Variants in PLBD1 observed in about 807,000 individuals in gnomAD.
The protein encoded by PLBD1 is lysosomal leucine aminopeptidase.
In PLBD1, 60 loss-of-function variants were observed where a neutral mutation model predicts 63.0. The ratio of observed to expected loss-of-function variants is 0.95; its 90% confidence interval spans 0.77 to 1.18. The LOEUF (loss-of-function observed/expected upper bound fraction) is 1.18, where lower values mean the gene tolerates loss of function less well. Ranked by LOEUF, PLBD1 falls within the 50% of genes most tolerant of loss-of-function variation. The probability of loss-of-function intolerance (pLI) is 0.00; values close to 1 mark genes in which losing one functional copy is unlikely to be tolerated. For missense variants in PLBD1, 598 were observed against 677.9 expected (o/e 0.88, Z 1.31); for synonymous variants, 262 against 248.0 (o/e 1.06, Z -0.53).
At chr12:14,567,547 C>A in intron 1 of PLBD1, 35 bp downstream of exon 1, 1 of 1,465,726 alleles carries the variant, frequency 6.8e-7, no homozygotes, top group Non-Finnish European at 8.9e-7. Flanking sequence ...AGGAGCCTCC[C>A]CGGGCGCCCC....
chr12:14,506,395 C>G (rs536838891), intron 9 of PLBD1, 127 bp from the exon 10 acceptor site: 3 of 654,768 alleles, frequency 4.6e-6, no homozygotes, highest in Non-Finnish European at 5.1e-6. Context: ...CCTCCTCAGC[C>G]CAGTCTGCTT....
intron 4 of PLBD1, among the ~76,000 whole-genome samples, chr12:14,538,613 A>G (rs1291947752): frequency 1.3e-5 from 2 of 152,236 alleles, no homozygotes; most frequent in African/African-American, 2.4e-5. Flanking sequence ...CAATGCCACA[A>G]TAATTAATCT....
At chr12:14,520,191 C>T (rs374946099) in intron 6 of PLBD1, among the ~76,000 whole-genome samples, 92 of 152,186 alleles carry the variant, frequency 6.0e-4, no homozygotes, top group African/African-American at 2.1e-3. Context: ...GCTCAAATTC[C>T]TCAGGCTCTC....
rs377297308 is a variant in PLBD1 at position 14,560,749 on chromosome 12, G to C, written c.115+6833C>G. On this transcript the variant is annotated intron_variant, in intron 1 of 10. Transcript: ENST00000240617. ...CCAGATATCAGAGACTAAGATGCCT[G>C]CTGGAAGGAGGATTATTTTGGCAAG... 5.4e-4 allele frequency among the ~76,000 whole-genome samples: 82 copies of C among 152,320 alleles called. 1 individual carries two copies. Among genetic ancestry groups the C allele is most frequent in the African/African-American group, 1.9e-3 (78 of 41,566 alleles).
intron 6 of PLBD1, among the ~76,000 whole-genome samples, chr12:14,524,978 T>C (rs1003885269): frequency 6.6e-6 from 1 of 152,184 alleles, no homozygotes; most frequent in Non-Finnish European, 1.5e-5. Flanking sequence ...ACCTGAAGAT[T>C]GTGGCTGGGC....
intron 1 of PLBD1, among the ~76,000 whole-genome samples, chr12:14,558,937 G>GTTGGCA (rs1945727311): frequency 6.6e-6 from 1 of 152,204 alleles, no homozygotes; most frequent in South Asian, 2.1e-4. Context: ...AGCTTAGCAT[G>GTTGGCA]TGCTTTGAGA....
intron 1 of PLBD1, among the ~76,000 whole-genome samples, chr12:14,558,133 C>A (rs10744067): frequency 0.98 from 148,885 of 151,364 alleles, 73,241 homozygotes; most frequent in East Asian, 1. Flanking sequence ...ACCGTGCTCC[C>A]GGGGCTCGGT....
intron 1 of PLBD1, 38 bp downstream of exon 1, chr12:14,567,544 T>C: frequency 1.4e-6 from 2 of 1,462,104 alleles, no homozygotes; most frequent in Admixed American, 2.7e-5. Flanking sequence ...CCTAGGAGCC[T>C]CCCCGGGCGC....
chr12:14,566,770 A>ATAATCC (rs763039388), intron 1 of PLBD1, among the ~76,000 whole-genome samples: 72 of 148,016 alleles, frequency 4.9e-4, no homozygotes, highest in Non-Finnish European at 6.1e-4. Flanking sequence ...AATGGGGAAT[A>ATAATCC]TAATCCTATT....
intron 6 of PLBD1, among the ~76,000 whole-genome samples, chr12:14,535,249 A>T (rs1212678935): frequency 6.6e-6 from 1 of 152,204 alleles, no homozygotes; most frequent in Non-Finnish European, 1.5e-5. Flanking sequence ...CCACACACTG[A>T]GGTTAAGTGC....
intron 6 of PLBD1, among the ~76,000 whole-genome samples, chr12:14,513,203 T>G (rs1591994570): frequency 6.6e-6 from 1 of 152,360 alleles, no homozygotes; most frequent in East Asian, 1.9e-4. Context: ...GGAAACATTG[T>G]ATATATTTTG....
chr12:14,525,996 T>C (rs989487062), intron 6 of PLBD1, among the ~76,000 whole-genome samples: 10 of 32,254 alleles, frequency 3.1e-4, no homozygotes, highest in African/African-American at 7.5e-4. Flanking sequence ...TAAATATAGC[T>C]AGAAAGCCAA....
At chr12:14,548,004 A>G (rs1405850653) in intron 2 of PLBD1, among the ~76,000 whole-genome samples, 1 of 152,144 alleles carries the variant, frequency 6.6e-6, no homozygotes, top group Non-Finnish European at 1.5e-5. Flanking sequence ...AATGATACAT[A>G]CCTCATGGTA....
intron 2 of PLBD1, among the ~76,000 whole-genome samples, 185 bp from the exon 3 acceptor site, chr12:14,542,476 T>C (rs949709476): frequency 6.6e-6 from 1 of 152,194 alleles, no homozygotes; most frequent in Non-Finnish European, 1.5e-5. Flanking sequence ...TAGAAAAGGA[T>C]AGAATATTGA....
At position 14,536,601 on chromosome 12, in the gene PLBD1, C is replaced by A. The variant is rs1017369933; in HGVS notation, c.668G>T (p.Trp223Leu). The change falls in exon 5 of 11, where the codon TGG becomes TTG. Residue 223 changes from tryptophan to leucine, a missense_variant. Transcript: ENST00000240617. The part of the protein sequence containing the change: ...KNGSLKVFKR[W>L]DMGHCSALIK... The stretch of plus-strand genomic sequence containing the variant: ...AAGAGCGGAGCAATGTCCCATGTCC[C>A]ATCTCTTAAAAACCTTTAGGCTGCC... 6 of 1,614,088 alleles carry A rather than the reference C, an allele frequency of 3.7e-6. No individual in the cohort carries two copies. In the African/African-American group the frequency reaches 8.0e-5, roughly 22 times the overall value.
At chr12:14,513,659 T>C (rs1228124377) in intron 6 of PLBD1, among the ~76,000 whole-genome samples, 1 of 152,204 alleles carries the variant, frequency 6.6e-6, no homozygotes, top group African/African-American at 2.4e-5. Flanking sequence ...CTTATTTCCT[T>C]CTTCTGATAA....
chr12:14,527,310 G>C (rs956131819), intron 6 of PLBD1, among the ~76,000 whole-genome samples: 5 of 151,678 alleles, frequency 3.3e-5, no homozygotes, highest in African/African-American at 1.2e-4. Context: ...AGAACAACAG[G>C]GTCACCAACT....
chr12:14,522,527 C>T (rs1036090563), intron 6 of PLBD1, among the ~76,000 whole-genome samples: 16 of 152,002 alleles, frequency 1.1e-4, no homozygotes, highest in African/African-American at 2.4e-4. Flanking sequence ...AGCATCACCC[C>T]GATTCCAAAA....
intron 1 of PLBD1, among the ~76,000 whole-genome samples, chr12:14,563,649 T>A (rs1437634178): frequency 6.6e-6 from 1 of 152,172 alleles, no homozygotes; most frequent in Non-Finnish European, 1.5e-5. Flanking sequence ...CAGCACTTAC[T>A]GCATGTCAGG....
Sources: gnomAD v4.1 joint callset for allele counts (sites outside exome capture counted in the v4.1 genomes callset) on GRCh38, gnomAD v4.1.1 for gene constraint, MANE v1.5 for transcripts, NCBI Gene and HGNC (gene_info 2026-07-23, HGNC 2026-07-21) for gene names.